COL25A1: variants seen among roughly 807,000 people sequenced by gnomAD.
The protein encoded by COL25A1 is collagen type XXV alpha 1 chain.
Under a neutral mutation model 128.4 loss-of-function variants are expected in COL25A1, and 103 were observed. The ratio of observed to expected loss-of-function variants is 0.80; its 90% CI spans 0.68 to 0.94. The LOEUF is 0.94. Ranked by LOEUF, COL25A1 falls within the 40% of genes least tolerant of loss-of-function variation. COL25A1 has a pLI of 0.00. For synonymous variants in COL25A1, 279 were observed against 277.2 expected, an observed-to-expected ratio of 1.01 and a Z score of -0.06; for missense variants, 745 against 840.0, an observed-to-expected ratio of 0.89 and a Z score of 1.40.
chr4:109,295,030 T>C (rs1205151166), intron 3 of COL25A1, among the ~76,000 whole-genome samples: 1 of 152,094 alleles, frequency 6.6e-6, no homozygotes, highest in Non-Finnish European at 1.5e-5. Flanking sequence ...CAGTAGGATA[T>C]TATGGCCCTG....
At position 109,292,244 on chromosome 4, in the gene COL25A1, T is replaced by C. The variant is rs796827908; in HGVS notation, c.367+8339A>G. On this transcript the variant is annotated intron_variant, in intron 3 of 37. Coordinates refer to ENST00000399132, the MANE Select transcript of COL25A1 (RefSeq NM_198721.4). ...TAACATTGCTTCCAATTTCATATTA[T>C]GGGGTTTCTCATATAATTTCATTTT... Among the ~76,000 whole-genome samples, 13 of 152,230 alleles carry C rather than the reference T, an allele frequency of 8.5e-5. 1 individual carries two copies. The South Asian group carries it at 2.7e-3, about 32-fold the overall frequency.
At chr4:108,846,325 A>G in intron 27 of COL25A1, 106 bp from the exon 28 acceptor site, 2 of 740,988 alleles carry the variant, frequency 2.7e-6, no homozygotes, top group Admixed American at 2.1e-5. Context: ...GGTGGGTTCA[A>G]TGTTGAGATG....
At chr4:109,047,348 C>T (rs756868292) in intron 5 of COL25A1, among the ~76,000 whole-genome samples, 4 of 152,136 alleles carry the variant, frequency 2.6e-5, no homozygotes, top group Admixed American at 6.5e-5. Flanking sequence ...AAAAATCCCA[C>T]GAGGGTATTG....
At chr4:108,997,870 A>G (rs576888902) in intron 6 of COL25A1, among the ~76,000 whole-genome samples, 3 of 152,324 alleles carry the variant, frequency 2.0e-5, no homozygotes, top group African/African-American at 7.2e-5. Context: ...CCAATGACAA[A>G]AACCACATGA....
intron 24 of COL25A1, among the ~76,000 whole-genome samples, chr4:108,856,344 C>A (rs1194747501): frequency 6.6e-6 from 1 of 152,032 alleles, no homozygotes; most frequent in East Asian, 1.9e-4. Context: ...ATAGAGGCAA[C>A]AGTAAAATTT....
intron 27 of COL25A1, among the ~76,000 whole-genome samples, chr4:108,848,404 T>G (rs1161158038): frequency 6.6e-6 from 1 of 152,212 alleles, no homozygotes; most frequent in Non-Finnish European, 1.5e-5. Flanking sequence ...AGATTTAGTT[T>G]TGTGGAAACT....
chr4:109,124,635 T>TAAATGC (rs1768416707), intron 3 of COL25A1, among the ~76,000 whole-genome samples: 1 of 151,998 alleles, frequency 6.6e-6, no homozygotes, highest in Non-Finnish European at 1.5e-5. Flanking sequence ...CTTAATTAAA[T>TAAATGC]AATTAAGTTT....
At chr4:109,090,297 T>C (rs1213304839) in intron 3 of COL25A1, among the ~76,000 whole-genome samples, 1 of 152,200 alleles carries the variant, frequency 6.6e-6, no homozygotes, top group Non-Finnish European at 1.5e-5. Flanking sequence ...TTAATCTGAA[T>C]TTTTGTCCCT....
intron 3 of COL25A1, among the ~76,000 whole-genome samples, chr4:109,234,971 T>C (rs1252984719): frequency 1.3e-5 from 2 of 151,968 alleles, no homozygotes; most frequent in Admixed American, 1.3e-4. Flanking sequence ...GGCAGTGTCA[T>C]CTCTGAGAAA....
At chr4:109,127,788 GT>G (rs1369995539) in intron 3 of COL25A1, among the ~76,000 whole-genome samples, 1 of 152,180 alleles carries the variant, frequency 6.6e-6, no homozygotes, top group Admixed American at 6.5e-5. Flanking sequence ...ACCTCGGGTA[GT>G]TACCCCAGAC....
rs565017312 is a variant in COL25A1 at position 109,052,254 on chromosome 4, A to C, written c.368-2075T>G. 9.2e-5 allele frequency among the ~76,000 whole-genome samples: 14 copies of C among 152,348 alleles called. No individual in the cohort carries two copies. The East Asian group carries it at 2.7e-3, about 29-fold the overall frequency. ...GCACTCACATCTTTTGAAGAAATCA[A>C]AAACCAAAATATAAATATTTCTGAA... On this transcript the variant is annotated intron_variant, in intron 3 of 37. Transcript: ENST00000399132.
chr4:109,134,191 G>GA (rs1189695964), intron 3 of COL25A1, among the ~76,000 whole-genome samples: 1 of 128,620 alleles, frequency 7.8e-6, no homozygotes, highest in Non-Finnish European at 1.6e-5. Context: ...CAGATTATAG[G>GA]AGGTTTTTTT....
At position 109,114,973 on chromosome 4, in the gene COL25A1, A is replaced by AC. The variant is rs1342993246; in HGVS notation, c.368-64795dup. Among the ~76,000 whole-genome samples the AC allele has an allele frequency of 8.5e-5, 13 of 152,198 alleles. 1 individual carries two copies. The East Asian group carries it at 1.2e-3, about 14-fold the overall frequency. Reference sequence around the variant, plus strand: ...AATCAAACAACAGTCAAATTAGATGACTACACCACTAATTGCTAGAACAGT... The same window carrying AC: ...AATCAAACAACAGTCAAATTAGATGACCTACACCACTAATTGCTAGAACAGT... On this transcript the variant is annotated intron_variant, in intron 3 of 37. Coordinates refer to ENST00000399132, the MANE Select transcript of COL25A1 (RefSeq NM_198721.4).
At chr4:109,272,242 A>G (rs1266397328) in intron 3 of COL25A1, among the ~76,000 whole-genome samples, 1 of 152,194 alleles carries the variant, frequency 6.6e-6, no homozygotes, top group Non-Finnish European at 1.5e-5. Context: ...TCAAAAATAA[A>G]TAAAATAAAA....
chr4:108,858,578 T>C lies in COL25A1; in HGVS notation c.1320+1078A>G, dbSNP rs148740369. 5.3e-5 allele frequency among the ~76,000 whole-genome samples: 8 copies of C among 152,250 alleles called. No homozygotes were observed. The East Asian group carries it at 1.5e-3, about 29-fold the overall frequency. On this transcript the variant is annotated intron_variant, in intron 24 of 37. Transcript: ENST00000399132. ...TTTCGTAGGTGGGAAAGGTAACCAG[T>C]ATAATTGTATTGGTGGAAGCTGATA...
intron 6 of COL25A1, among the ~76,000 whole-genome samples, chr4:109,009,374 G>T (rs1375942868): frequency 6.6e-6 from 1 of 152,144 alleles, no homozygotes; most frequent in Non-Finnish European, 1.5e-5. Flanking sequence ...TTTCTCATAA[G>T]CTTGGTGTGA....
intron 3 of COL25A1, among the ~76,000 whole-genome samples, chr4:109,173,869 T>C (rs1231353861): frequency 6.6e-6 from 1 of 152,162 alleles, no homozygotes; most frequent in African/African-American, 2.4e-5. Flanking sequence ...TGCATTATAC[T>C]TACCGGTTAA....
At chr4:109,117,855 T>C (rs903682485) in intron 3 of COL25A1, among the ~76,000 whole-genome samples, 5 of 151,916 alleles carry the variant, frequency 3.3e-5, no homozygotes, top group African/African-American at 9.7e-5. Flanking sequence ...CTCAGATTAC[T>C]TGTAAAGTGT....
At chr4:108,924,432 AAAGT>A (rs1203378321) in intron 11 of COL25A1, among the ~76,000 whole-genome samples, 2 of 152,158 alleles carry the variant, frequency 1.3e-5, no homozygotes, top group Non-Finnish European at 2.9e-5. Context: ...ATATGGTGAG[AAAGT>A]AAGTTAAAGA....
Sources: allele counts gnomAD v4.1 joint callset (sites outside exome capture counted in the v4.1 genomes callset), GRCh38; gene constraint gnomAD v4.1.1; transcripts MANE v1.5; gene names NCBI Gene and HGNC (gene_info 2026-07-23, HGNC 2026-07-21).